WARS2: variants seen among roughly 807,000 people sequenced by gnomAD.
The protein encoded by WARS2 is tryptophanyl tRNA synthetase 2, mitochondrial.
A neutral mutation model predicts 36.5 loss-of-function variants in WARS2; 28 were observed. The ratio of observed to expected loss-of-function variants is 0.77; its 90% CI spans 0.57 to 1.05. The LOEUF (loss-of-function observed/expected upper bound fraction) is 1.05, where lower values mean the gene tolerates loss of function less well. Among genes scored for constraint, WARS2 ranks in the 50% least tolerant of loss-of-function variants. The pLI, the probability that WARS2 is intolerant of heterozygous loss-of-function variation, is 0.00. For synonymous variants in WARS2, 174 were observed against 178.4 expected (o/e 0.98, Z 0.20); for missense variants, 435 against 456.8 (o/e 0.95, Z 0.44).
At chr1:119,131,115 T>C (rs1252515431) in intron 1 of WARS2, among the ~76,000 whole-genome samples, 1 of 152,230 alleles carries the variant, frequency 6.6e-6, no homozygotes, top group Non-Finnish European at 1.5e-5. Flanking sequence ...CTATAAAATT[T>C]CAAAATGGAA....
At position 119,140,548 on chromosome 1, in the gene WARS2, T is replaced by C. The variant is rs1656890220; in HGVS notation, c.90+7A>G. On this transcript the variant is annotated splice_region_variant and intron_variant, in intron 1 of 5. Transcript: ENST00000235521. ...AAGCCGCGGAGGGAAGGGCCGTCTT[T>C]GGTTACCTGGAGAGCGGGAGCAGCT... 2 of 1,612,336 alleles carry C rather than the reference T, an allele frequency of 1.2e-6. No individual in the cohort carries two copies.
intron 1 of WARS2, among the ~76,000 whole-genome samples, chr1:119,079,599 T>A (rs912495286): frequency 5.9e-5 from 9 of 152,324 alleles, no homozygotes; most frequent in Admixed American, 4.6e-4. Flanking sequence ...TACCTAATGC[T>A]AGCTCCTGAG....
intron 1 of WARS2, among the ~76,000 whole-genome samples, chr1:119,135,372 A>C (rs1157605067): frequency 6.6e-6 from 1 of 152,212 alleles, no homozygotes; most frequent in Non-Finnish European, 1.5e-5. Context: ...TGCTTCTTAA[A>C]TCAGAAAAGC....
chr1:119,040,906 G>T (rs1339894586), intron 4 of WARS2, among the ~76,000 whole-genome samples: 1 of 152,074 alleles, frequency 6.6e-6, no homozygotes, highest in South Asian at 2.1e-4. Flanking sequence ...GGAGAATATT[G>T]TTCTAGCCTT....
chr1:119,108,482 A>C (rs1209836507), intron 1 of WARS2, among the ~76,000 whole-genome samples: 1 of 152,034 alleles, frequency 6.6e-6, no homozygotes, highest in Non-Finnish European at 1.5e-5. Flanking sequence ...AGGGTTGTTC[A>C]TAACATCCCC....
chr1:119,043,800 G>A (rs1379930383), intron 3 of WARS2, among the ~76,000 whole-genome samples: 1 of 152,190 alleles, frequency 6.6e-6, no homozygotes, highest in Non-Finnish European at 1.5e-5. Flanking sequence ...AATGTGGAGA[G>A]CATTAATATT....
At chr1:119,059,135 C>T (rs1332001938) in intron 2 of WARS2, among the ~76,000 whole-genome samples, 40 of 151,078 alleles carry the variant, frequency 2.6e-4, no homozygotes, top group African/African-American at 7.2e-4. Context: ...TCATGTCCTT[C>T]GCCCACTTTT....
At chr1:119,045,020 T>C (rs1329158578) in intron 3 of WARS2, among the ~76,000 whole-genome samples, 1 of 152,192 alleles carries the variant, frequency 6.6e-6, no homozygotes, top group Non-Finnish European at 1.5e-5. Context: ...AGTTGGGGGC[T>C]ACCTACCCTG....
At chr1:119,075,889 C>G (rs1047676407) in intron 2 of WARS2, among the ~76,000 whole-genome samples, 3 of 144,456 alleles carry the variant, frequency 2.1e-5, no homozygotes, top group Non-Finnish European at 4.6e-5. Flanking sequence ...TTCTCAAAAA[C>G]TATTATAAAA....
At chr1:119,088,027 A>T (rs1251782319) in intron 1 of WARS2, among the ~76,000 whole-genome samples, 1 of 152,234 alleles carries the variant, frequency 6.6e-6, no homozygotes, top group African/African-American at 2.4e-5. Context: ...AAGAAATGAG[A>T]AAATTTATGC....
intron 1 of WARS2, among the ~76,000 whole-genome samples, chr1:119,112,767 C>T (rs1277829154): frequency 6.6e-6 from 1 of 152,082 alleles, no homozygotes; most frequent in African/African-American, 2.4e-5. Context: ...CAGTAAATGC[C>T]CATTTCCAGT....
At chr1:119,140,420 G>C (rs1050847019) in intron 1 of WARS2, 135 bp downstream of exon 1, 7 of 715,452 alleles carry the variant, frequency 9.8e-6, no homozygotes, top group Non-Finnish European at 1.6e-5. Context: ...GACAGTCATA[G>C]ACGAGTAGAC....
At chr1:119,046,285 GTTTTTT>G (rs71070781) in intron 2 of WARS2, among the ~76,000 whole-genome samples, 18,069 of 101,954 alleles carry the variant, frequency 0.18, 1,147 homozygotes, top group African/African-American at 0.2. Context: ...CTCCTTTTCT[GTTTTTT>G]TTTTTTTTTT....
rs1228579816 is a variant in WARS2 at position 119,118,574 on chromosome 1, C to A, written c.90+21981G>T. Among the ~76,000 whole-genome samples, 4 of 152,052 alleles carry A rather than the reference C, an allele frequency of 2.6e-5. No homozygotes were observed. In the East Asian group the frequency reaches 7.7e-4, roughly 29 times the overall value. On this transcript the variant is annotated intron_variant, in intron 1 of 5. Transcript: ENST00000235521. The stretch of plus-strand genomic sequence containing the variant: ...TCTAGATATCCATATTTAAGAAACT[C>A]AAAGAACATCTGGGAAATTCATCAC...
At chr1:119,095,267 A>G (rs1398705491) in intron 1 of WARS2, among the ~76,000 whole-genome samples, 1 of 152,226 alleles carries the variant, frequency 6.6e-6, no homozygotes, top group Non-Finnish European at 1.5e-5. Context: ...GACACCATCT[A>G]GAGAGAAAGC....
chr1:119,104,139 T>G (rs1211593081), intron 1 of WARS2, among the ~76,000 whole-genome samples: 1 of 151,052 alleles, frequency 6.6e-6, no homozygotes, highest in African/African-American at 2.4e-5. Context: ...CTTTCCATAT[T>G]TCCATATATT....
intron 1 of WARS2, among the ~76,000 whole-genome samples, chr1:119,095,905 G>A (rs1267631598): frequency 1.3e-5 from 2 of 152,104 alleles, no homozygotes; most frequent in Non-Finnish European, 2.9e-5. Context: ...AAACTCACTG[G>A]TAAACCTTAG....
intron 1 of WARS2, among the ~76,000 whole-genome samples, chr1:119,109,037 GTTAC>G (rs1185216078): frequency 3.3e-5 from 5 of 151,858 alleles, no homozygotes; most frequent in Non-Finnish European, 7.4e-5. Flanking sequence ...GCATCTTTCT[GTTAC>G]TGACTACTAG....
intron 2 of WARS2, among the ~76,000 whole-genome samples, chr1:119,060,671 T>G (rs1423450595): frequency 1.3e-5 from 2 of 152,138 alleles, no homozygotes; most frequent in Non-Finnish European, 2.9e-5. Context: ...AGGCAGAAAC[T>G]AGGGGTGTGG....
Sources: allele counts gnomAD v4.1 joint callset (sites outside exome capture counted in the v4.1 genomes callset), GRCh38; gene constraint gnomAD v4.1.1; transcripts MANE v1.5; gene names NCBI Gene and HGNC (gene_info 2026-07-23, HGNC 2026-07-21).